The following GSE1 variants were observed in gnomAD, a reference collection of about 807,000 sequenced individuals.
GSE1 encodes the protein Gse1 coiled-coil protein, also known as genetic suppressor element 1.
A neutral mutation model predicts 112.6 loss-of-function variants in GSE1; 32 were observed. The ratio of observed to expected loss-of-function variants is 0.28; its 90% CI spans 0.21 to 0.38. GSE1 has a LOEUF of 0.38. Ranked by LOEUF, GSE1 falls within the 10% of genes least tolerant of loss-of-function variation. The pLI is 1.00. For synonymous variants in GSE1, 1,115 were observed against 735.6 expected (o/e 1.52, Z -8.35); for missense variants, 2,348 against 1,699.2 (o/e 1.38, Z -6.71).
At chr16:85,597,373 C>CA (rs1165062872) in intron 1 of GSE1, among the ~76,000 whole-genome samples, 3,205 of 31,250 alleles carry the variant, frequency 0.1, 320 homozygotes, top group African/African-American at 0.16. Context: ...GACTCTGTCT[C>CA]AAAAAAAAAA....
chr16:85,672,709 C>A lies in GSE1; in HGVS notation c.*170C>A. The A allele has an allele frequency of 9.0e-6, 4 of 446,780 alleles. No homozygotes were observed. Among genetic ancestry groups the A allele is most frequent in the Non-Finnish European group, 1.6e-5 (4 of 255,472 alleles). The allele number at this position is 446,780 out of a possible 1,614,324, so 27.7% of individuals were successfully genotyped here. On this transcript the variant is annotated 3_prime_UTR_variant, in exon 16 of 16. Coordinates refer to ENST00000253458, the MANE Select transcript of GSE1 (RefSeq NM_014615.5). The stretch of plus-strand genomic sequence containing the variant: ...GAAAAAATGAATGAACTCACCTTGA[C>A]GTCAATGCAATTGAATCACCGTTGT...
intron 1 of GSE1, among the ~76,000 whole-genome samples, chr16:85,627,678 C>T (rs935366802): frequency 3.9e-5 from 6 of 152,190 alleles, no homozygotes; most frequent in Admixed American, 2.0e-4. Context: ...CCCGGCCCCC[C>T]GGCCCCCCGG....
intron 1 of GSE1, among the ~76,000 whole-genome samples, chr16:85,277,947 A>G (rs967234925): frequency 1.3e-4 from 20 of 152,336 alleles, no homozygotes; most frequent in Non-Finnish European, 1.8e-4. Context: ...GCGGGTCCCT[A>G]GAGCCCATGG....
intron 1 of GSE1, among the ~76,000 whole-genome samples, chr16:85,233,448 C>A (rs1393226898): frequency 6.6e-6 from 1 of 152,186 alleles, no homozygotes; most frequent in Non-Finnish European, 1.5e-5. Flanking sequence ...GTTCCAGGGC[C>A]CCGTTCTCTC....
intron 1 of GSE1, among the ~76,000 whole-genome samples, chr16:85,312,208 G>GGGC (rs1555559875): frequency 1.3e-5 from 2 of 149,306 alleles, no homozygotes; most frequent in African/African-American, 2.6e-5. Context: ...CTCTTGCGGG[G>GGGC]GGGGGGGGGA....
intron 2 of GSE1, among the ~76,000 whole-genome samples, chr16:85,515,794 AC>A (rs1232667633): frequency 1.3e-5 from 2 of 152,006 alleles, no homozygotes; most frequent in Non-Finnish European, 2.9e-5. Context: ...GCACATGTGG[AC>A]AGAGCCCTTT....
At chr16:85,236,998 G>C (rs1176312409) in intron 1 of GSE1, among the ~76,000 whole-genome samples, 1 of 152,222 alleles carries the variant, frequency 6.6e-6, no homozygotes, top group South Asian at 2.1e-4. Context: ...TCCATTTCAA[G>C]CTGGTGTCTC....
At chr16:85,584,497 C>T (rs987615507) in intron 1 of GSE1, among the ~76,000 whole-genome samples, 1 of 152,228 alleles carries the variant, frequency 6.6e-6, no homozygotes, top group African/African-American at 2.4e-5. Flanking sequence ...TTACCTGTCT[C>T]CGTGAGGTTT....
At chr16:85,451,404 G>A (rs1450239250) in intron 2 of GSE1, among the ~76,000 whole-genome samples, 3 of 152,124 alleles carry the variant, frequency 2.0e-5, no homozygotes, top group Non-Finnish European at 1.5e-5. Flanking sequence ...AAGTTGGTGC[G>A]TGAGCTGGTG....
chr16:85,534,339 C>T (rs1489404259), intron 2 of GSE1, among the ~76,000 whole-genome samples: 1 of 152,158 alleles, frequency 6.6e-6, no homozygotes, highest in East Asian at 1.9e-4. Context: ...CCAGGCTGGT[C>T]TTGAACTCCT....
chr16:85,335,430 C>T (rs1567696050), intron 1 of GSE1, among the ~76,000 whole-genome samples: 2 of 152,322 alleles, frequency 1.3e-5, no homozygotes, highest in East Asian at 1.9e-4. Flanking sequence ...GAGTAATTAG[C>T]GCGGAGCCGG....
chr16:85,204,270 G>C (rs185297493), intron 1 of GSE1, among the ~76,000 whole-genome samples: 2 of 152,150 alleles, frequency 1.3e-5, no homozygotes, highest in African/African-American at 4.8e-5. Context: ...TGTCTTCAAG[G>C]TTCACCCCTG....
chr16:85,201,647 G>T (rs1269200385), intron 1 of GSE1, among the ~76,000 whole-genome samples: 1 of 150,038 alleles, frequency 6.7e-6, no homozygotes, highest in East Asian at 2.0e-4. Flanking sequence ...GCAAGACTCC[G>T]TCTCAAAAAA....
rs569342189 is a variant in GSE1, at chr16:85,231,453, A to AGGAT, written c.2283+59668_2283+59671dup. 3.9e-3 allele frequency among the ~76,000 whole-genome samples: 576 copies of AGGAT among 149,294 alleles called. 2 individuals carry two copies. The highest frequency in any genetic ancestry group is 0.011 in the African/African-American group (466 of 40,618). ...ATGGACAGATGAATGGATGGATGGA[A>AGGAT]GGATGGATGGATGGATGGATGGATG... On this transcript the variant is annotated intron_variant, in intron 1 of 2. Coordinates refer to the GSE1 transcript ENST00000637419.
chr16:85,449,564 A>G (rs1261427548), intron 2 of GSE1, among the ~76,000 whole-genome samples: 2 of 152,260 alleles, frequency 1.3e-5, no homozygotes, highest in African/African-American at 4.8e-5. Flanking sequence ...TTGATTGGAA[A>G]TCGGAGTGGG....
At chr16:85,669,899 G>C (rs996341422) in intron 14 of GSE1, among the ~76,000 whole-genome samples, 1 of 152,224 alleles carries the variant, frequency 6.6e-6, no homozygotes, top group Admixed American at 6.5e-5. Context: ...TGTCAGGCAT[G>C]ACCTGCGCTG....
chr16:85,604,334 A>T (rs2047591516), intron 1 of GSE1, among the ~76,000 whole-genome samples: 2 of 152,064 alleles, frequency 1.3e-5, no homozygotes, highest in Admixed American at 1.3e-4. Context: ...GTGGATTAGC[A>T]CCTCAGTCCT....
chr16:85,416,121 A>C (rs2048697513), intron 2 of GSE1, among the ~76,000 whole-genome samples: 1 of 152,224 alleles, frequency 6.6e-6, no homozygotes, highest in South Asian at 2.1e-4. Flanking sequence ...TGCAGCCATA[A>C]GTCAAACAGG....
At chr16:85,478,851 CTT>C (rs780034341) in intron 2 of GSE1, among the ~76,000 whole-genome samples, 931 of 10,694 alleles carry the variant, frequency 0.087, 13 homozygotes, top group Middle Eastern at 0.14. Context: ...TTCTTTCTTT[CTT>C]TCTTTCTTTC....
Sources: gnomAD v4.1 joint callset for allele counts (sites outside exome capture counted in the v4.1 genomes callset) on GRCh38, gnomAD v4.1.1 for gene constraint, MANE v1.5 for transcripts, NCBI Gene and HGNC (gene_info 2026-07-23, HGNC 2026-07-21) for gene names.